The following STARD6 variants were observed in gnomAD, a reference collection of about 807,000 sequenced individuals.
The protein encoded by STARD6 is StAR related lipid transfer domain containing 6.
A neutral mutation model predicts 22.3 loss-of-function variants in STARD6; 21 were observed. The ratio of observed to expected loss-of-function variants is 0.94; its 90% CI spans 0.67 to 1.35. The LOEUF is 1.35. Among genes scored for constraint, STARD6 ranks in the 40% most tolerant of loss-of-function variants. The pLI is 0.00. For missense variants in STARD6, 269 were observed against 266.9 expected, an observed-to-expected ratio of 1.01 and a Z score of -0.05; for synonymous variants, 80 against 88.1, an observed-to-expected ratio of 0.91 and a Z score of 0.52.
chr18:54,330,255 A>G (rs1680071236), intron 6 of STARD6, among the ~76,000 whole-genome samples: 1 of 152,056 alleles, frequency 6.6e-6, no homozygotes, highest in African/African-American at 2.4e-5. Context: ...TGAATTTTCC[A>G]TTTTTATGAC....
At chr18:54,356,954 C>T (rs576144807) in intron 1 of STARD6, 4 of 152,276 alleles carry the variant, frequency 2.6e-5, no homozygotes, top group South Asian at 2.1e-4. Context: ...TTATAGCTTC[C>T]GGACTTTTTC....
chr18:54,341,634 T>C (rs1285496539), intron 4 of STARD6, among the ~76,000 whole-genome samples: 2 of 152,296 alleles, frequency 1.3e-5, no homozygotes, highest in South Asian at 2.1e-4. Flanking sequence ...TTCCCAAATA[T>C]GTAGAAATTA....
intron 5 of STARD6, among the ~76,000 whole-genome samples, chr18:54,333,592 A>G (rs1452316370): frequency 3.9e-5 from 6 of 152,224 alleles, no homozygotes; most frequent in African/African-American, 1.2e-4. Flanking sequence ...AAGATCATGG[A>G]CATGTGTTTT....
rs578130704 is a variant in STARD6, at chr18:54,353,185, CAAAAG to C, written c.140+864_140+868del. Among the ~76,000 whole-genome samples, 306 of 151,920 alleles carry C rather than the reference CAAAAG, an allele frequency of 2.0e-3. 1 individual carries two copies. Among genetic ancestry groups the C allele is most frequent in the Non-Finnish European group, 3.8e-3 (259 of 67,952 alleles). On this transcript the variant is annotated intron_variant, in intron 4 of 7. Transcript: ENST00000307844. ...GGTAGTTGAAAGAAGGAGTGGACTC[CAAAAG>C]AAAAGGAATTGAATAAAATTTGATG...
intron 5 of STARD6, among the ~76,000 whole-genome samples, 190 bp downstream of exon 5, chr18:54,336,935 C>A (rs956446646): frequency 3.3e-5 from 5 of 152,172 alleles, no homozygotes; most frequent in East Asian, 1.9e-4. Context: ...TATGCATTTA[C>A]AAGTAGCATA....
intron 4 of STARD6, among the ~76,000 whole-genome samples, chr18:54,343,483 C>CA: frequency 9.0e-6 from 1 of 110,604 alleles, no homozygotes; most frequent in Non-Finnish European, 1.9e-5. Context: ...TCTGCCCGGC[C>CA]GCCCCTACTG....
chr18:54,333,694 T>G (rs143347165), intron 5 of STARD6, among the ~76,000 whole-genome samples: 25 of 152,304 alleles, frequency 1.6e-4, no homozygotes, highest in Admixed American at 5.2e-4. Flanking sequence ...TTTACCTTCA[T>G]GGGCTTTTCT....
chr18:54,324,727 A>G lies in STARD6; in HGVS notation c.628T>C (p.Ser210Pro). The G allele has an allele frequency of 6.2e-7, 1 of 1,613,180 alleles. No homozygotes were observed. Among genetic ancestry groups the G allele is most frequent in the Non-Finnish European group, 8.5e-7 (1 of 1,179,634 alleles). Residue 210 changes from serine to proline, a missense_variant, in exon 8 of 8, where the codon TCA (serine) becomes CCA (proline). Physicochemically the swap from Ser to Pro is moderately conservative, Grantham distance 74. Coordinates refer to ENST00000307844, the MANE Select transcript of STARD6 (RefSeq NM_139171.2). ...KDGIKAHRTP[S>P]RRGFHHNSHS ...CTATTATGATGAAATCCACGTCTTG[A>G]TGGAGTTCTGTGTGCCTTTATTCCA...
intron 7 of STARD6, among the ~76,000 whole-genome samples, chr18:54,327,925 A>G (rs890134815): frequency 1.4e-4 from 21 of 151,662 alleles, no homozygotes; most frequent in Non-Finnish European, 2.5e-4. Flanking sequence ...CAGAAATAAG[A>G]AAAATTCATA....
At chr18:54,326,808 ACT>A (rs777171899) in intron 7 of STARD6, among the ~76,000 whole-genome samples, 2 of 151,790 alleles carry the variant, frequency 1.3e-5, no homozygotes, top group South Asian at 2.1e-4. Context: ...CTGGAATTAT[ACT>A]CTCTCCATTT....
At position 54,331,873 on chromosome 18, in the gene STARD6, A is replaced by G. The variant is rs1268629038; in HGVS notation, c.268-14T>C. ...TATGAATGTGTCCTGCAACAAATCA[A>G]ACCGTAAAGATAACAAACGTTACTT... is the stretch of plus-strand genomic sequence containing the variant. On this transcript the variant is annotated splice_polypyrimidine_tract_variant and intron_variant, in intron 5 of 7. Coordinates refer to ENST00000307844, the MANE Select transcript of STARD6 (RefSeq NM_139171.2). 3 of 1,530,484 alleles carry G rather than the reference A, an allele frequency of 2.0e-6. No homozygotes were observed. In the African/African-American group the frequency reaches 4.1e-5, roughly 21 times the overall value. The allele number at this position is 1,530,484 out of a possible 1,614,324, so 94.8% of individuals were successfully genotyped here. A position where few individuals can be genotyped will look rare whatever the true frequency, so the allele number is the denominator to read the frequency against.
At chr18:54,346,774 T>G (rs1417692453) in intron 4 of STARD6, among the ~76,000 whole-genome samples, 2 of 151,968 alleles carry the variant, frequency 1.3e-5, no homozygotes, top group Non-Finnish European at 2.9e-5. Context: ...CTCAAAAACA[T>G]GATAAAAGAA....
chr18:54,354,259 C>T (rs1046163020), intron 3 of STARD6, 156 bp from the exon 4 acceptor site: 4 of 626,366 alleles, frequency 6.4e-6, no homozygotes, highest in Non-Finnish European at 1.1e-5. Context: ...ACTATGTTGC[C>T]CAGTCTGTAG....
rs751595880 is a variant in STARD6 at position 54,354,118 on chromosome 18, A to C, written c.91-15T>G. 4.0e-6 allele frequency: 6 copies of C among 1,512,132 alleles called. No individual in the cohort carries two copies. The highest frequency in any genetic ancestry group is 1.7e-4 in the Middle Eastern group (1 of 5,802). The allele number at this position is 1,512,132 out of a possible 1,614,324, so 93.7% of individuals were successfully genotyped here. The stretch of plus-strand genomic sequence containing the variant: ...GTTATCTTTTTCTCAAAGGGGAATA[A>C]AAATCCACAAATAATTAGCTGTCAA... On this transcript the variant is annotated splice_polypyrimidine_tract_variant and intron_variant, in intron 3 of 7. Transcript: ENST00000307844.
intron 7 of STARD6, among the ~76,000 whole-genome samples, chr18:54,327,766 G>C (rs1489695992): frequency 1.3e-5 from 2 of 151,930 alleles, no homozygotes; most frequent in African/African-American, 2.4e-5. Flanking sequence ...CCAACAAATA[G>C]TGTGAGCGTC....
intron 4 of STARD6, among the ~76,000 whole-genome samples, chr18:54,346,075 A>T (rs1373114891): frequency 1.3e-5 from 2 of 152,174 alleles, no homozygotes. Flanking sequence ...TTGAACTTCA[A>T]GAAAATTTTT....
chr18:54,339,103 T>C (rs542150058), intron 4 of STARD6, among the ~76,000 whole-genome samples: 2 of 102,746 alleles, frequency 1.9e-5, no homozygotes, highest in African/African-American at 3.7e-5. Context: ...ATTGTAAATA[T>C]GTTCAAAGAA....
chr18:54,347,606 A>G (rs1359514378), intron 4 of STARD6, among the ~76,000 whole-genome samples: 1 of 152,146 alleles, frequency 6.6e-6, no homozygotes, highest in Non-Finnish European at 1.5e-5. Context: ...AACGCTTTCC[A>G]AATTATTATA....
chr18:54,328,703 CT>C (rs964529496), intron 7 of STARD6, among the ~76,000 whole-genome samples: 16 of 151,768 alleles, frequency 1.1e-4, no homozygotes, highest in Admixed American at 2.0e-4. Context: ...GTGCCAATAT[CT>C]TTTACTTAAT....
Sources: allele counts gnomAD v4.1 joint callset (sites outside exome capture counted in the v4.1 genomes callset), GRCh38; gene constraint gnomAD v4.1.1; transcripts MANE v1.5; gene names NCBI Gene and HGNC (gene_info 2026-07-23, HGNC 2026-07-21).